The following DENND1B variants were observed in gnomAD, a reference collection of about 807,000 sequenced individuals.
DENND1B encodes the protein DENN domain-containing protein 1B.
A neutral mutation model predicts 90.1 loss-of-function variants in DENND1B; 59 were observed. The observed-to-expected ratio is 0.65, with a 90% confidence interval of 0.53 to 0.81. The LOEUF is 0.81. Among genes scored for constraint, DENND1B ranks in the 40% least tolerant of loss-of-function variants. DENND1B has a pLI of 0.00. For synonymous variants in DENND1B, 337 were observed against 324.6 expected (o/e 1.04, Z -0.41); for missense variants, 862 against 912.6 (o/e 0.94, Z 0.71).
At position 197,562,757 on chromosome 1, in the gene DENND1B, T is replaced by C. The variant is rs562099297; in HGVS notation, c.1150-9645A>G. 6.9e-4 allele frequency among the ~76,000 whole-genome samples: 105 copies of C among 152,010 alleles called. 1 individual carries two copies. Among genetic ancestry groups the C allele is most frequent in the Admixed American group, 2.7e-3 (41 of 15,224 alleles). On this transcript the variant is annotated intron_variant, in intron 15 of 22. Coordinates refer to ENST00000620048, the MANE Select transcript of DENND1B (RefSeq NM_001195215.2). ...TTGTTGAGGAAGGCATGTCAAAAAC[T>C]GAGACAGCCTGAAAGCCAGGCCTCT...
chr1:197,632,992 C>G (rs1340846823), intron 10 of DENND1B, among the ~76,000 whole-genome samples: 2 of 152,132 alleles, frequency 1.3e-5, no homozygotes, highest in African/African-American at 4.8e-5. Flanking sequence ...AAACTACAAC[C>G]AAAACACAGC....
intron 3 of DENND1B, among the ~76,000 whole-genome samples, chr1:197,686,155 A>G (rs1435535512): frequency 1.3e-5 from 2 of 152,208 alleles, no homozygotes; most frequent in African/African-American, 2.4e-5. Context: ...ATTTTACTCA[A>G]TAAGGGAGGA....
intron 1 of DENND1B, 75 bp downstream of exon 1, chr1:197,775,064 C>T (rs1055400018): frequency 9.5e-7 from 1 of 1,049,686 alleles, no homozygotes; most frequent in Non-Finnish European, 1.2e-6. Flanking sequence ...CGCGGAGGCG[C>T]GGAGGAGCCG....
At chr1:197,550,538 C>T (rs911287443) in intron 16 of DENND1B, among the ~76,000 whole-genome samples, 1 of 151,972 alleles carries the variant, frequency 6.6e-6, no homozygotes, top group Non-Finnish European at 1.5e-5. Context: ...TGGAAACCAT[C>T]GTTCTCAGCA....
chr1:197,753,038 C>T (rs11809692), intron 2 of DENND1B, among the ~76,000 whole-genome samples: 2,339 of 151,828 alleles, frequency 0.015, 74 homozygotes, highest in African/African-American at 0.049. Flanking sequence ...CTATCATTGA[C>T]GGACATTTGG....
chr1:197,693,204 G>A (rs945194243), intron 3 of DENND1B, among the ~76,000 whole-genome samples: 3 of 151,588 alleles, frequency 2.0e-5, no homozygotes, highest in Non-Finnish European at 3.0e-5. Context: ...TAAGGATATA[G>A]CTGTATGTTA....
At chr1:197,559,018 C>T (rs1290956342) in intron 15 of DENND1B, among the ~76,000 whole-genome samples, 4 of 151,912 alleles carry the variant, frequency 2.6e-5, no homozygotes, top group Admixed American at 6.6e-5. Flanking sequence ...TCACAGATTA[C>T]ACTTCAATAT....
intron 2 of DENND1B, among the ~76,000 whole-genome samples, chr1:197,772,466 C>T (rs1474788627): frequency 1.3e-5 from 2 of 152,178 alleles, no homozygotes; most frequent in Non-Finnish European, 2.9e-5. Flanking sequence ...CCTATTACTA[C>T]CATGTTCCAG....
chr1:197,681,591 G>A (rs529135564), intron 3 of DENND1B, among the ~76,000 whole-genome samples: 4 of 152,252 alleles, frequency 2.6e-5, no homozygotes, highest in Admixed American at 2.6e-4. Flanking sequence ...TTTGTCTTCA[G>A]ACTTTGTCTT....
At chr1:197,550,941 T>A (rs985528296) in intron 16 of DENND1B, among the ~76,000 whole-genome samples, 1 of 152,096 alleles carries the variant, frequency 6.6e-6, no homozygotes, top group African/African-American at 2.4e-5. Flanking sequence ...ACTATTATTA[T>A]GAGATAAACA....
At chr1:197,635,850 T>C (rs1406404976) in intron 10 of DENND1B, among the ~76,000 whole-genome samples, 1 of 151,970 alleles carries the variant, frequency 6.6e-6, no homozygotes. Flanking sequence ...AAAACACATA[T>C]GAGGAAGAGC....
intron 2 of DENND1B, among the ~76,000 whole-genome samples, chr1:197,754,659 C>CAAAAAAAAAAAAA (rs57926782): frequency 3.8e-4 from 28 of 72,878 alleles, no homozygotes; most frequent in East Asian, 1.2e-3. Context: ...GACTCTGTCT[C>CAAAAAAAAAAAAA]AAAAAAAAAA....
At chr1:197,627,389 A>C (rs1328275689) in intron 10 of DENND1B, among the ~76,000 whole-genome samples, 2 of 152,174 alleles carry the variant, frequency 1.3e-5, no homozygotes. Context: ...CAAATCAATA[A>C]ATGTAATCCA....
intron 9 of DENND1B, among the ~76,000 whole-genome samples, chr1:197,645,260 T>C (rs1680629509): frequency 6.6e-6 from 1 of 152,056 alleles, no homozygotes; most frequent in South Asian, 2.1e-4. Flanking sequence ...ATACAAGGAA[T>C]ATAAAATACT....
At position 197,705,729 on chromosome 1, in the gene DENND1B, A is replaced by AAT. The variant is rs141504424; in HGVS notation, c.126+9300_126+9301dup. Among the ~76,000 whole-genome samples the AAT allele has an allele frequency of 7.0e-3, 1,042 of 148,362 alleles. 5 individuals carry two copies. Among genetic ancestry groups the AAT allele is most frequent in the South Asian group, 0.02 (96 of 4,718 alleles). ...GACAAGACAGAATTGAGAAGACTAA[A>AAT]ATATATATATATATATATTGGAATG... is the stretch of plus-strand genomic sequence containing the variant. On this transcript the variant is annotated intron_variant, in intron 3 of 22. Coordinates refer to ENST00000620048, the MANE Select transcript of DENND1B (RefSeq NM_001195215.2).
At chr1:197,676,938 A>G (rs1436135055) in intron 3 of DENND1B, among the ~76,000 whole-genome samples, 1 of 152,128 alleles carries the variant, frequency 6.6e-6, no homozygotes, top group Admixed American at 6.6e-5. Context: ...TTATCCCATC[A>G]GGTTACCATT....
chr1:197,511,180 C>T (rs913793821), intron 22 of DENND1B, among the ~76,000 whole-genome samples: 1 of 151,702 alleles, frequency 6.6e-6, no homozygotes, highest in African/African-American at 2.4e-5. Context: ...GCAGCTGTCA[C>T]CTAACAAATT....
At chr1:197,600,601 C>T (rs1050896997) in intron 13 of DENND1B, among the ~76,000 whole-genome samples, 11 of 151,780 alleles carry the variant, frequency 7.2e-5, no homozygotes, top group African/African-American at 2.7e-4. Flanking sequence ...TAGAGAAATA[C>T]ATTTCTATTT....
At chr1:197,600,846 G>T (rs1038767871) in intron 13 of DENND1B, among the ~76,000 whole-genome samples, 2 of 151,600 alleles carry the variant, frequency 1.3e-5, no homozygotes, top group African/African-American at 2.4e-5. Flanking sequence ...ACAGCATCAG[G>T]TTCCTGCCAC....
Sources: gnomAD v4.1 joint callset for allele counts (sites outside exome capture counted in the v4.1 genomes callset) on GRCh38, gnomAD v4.1.1 for gene constraint, MANE v1.5 for transcripts, NCBI Gene and HGNC (gene_info 2026-07-23, HGNC 2026-07-21) for gene names.